The following MEGF9 variants were observed in gnomAD, a reference collection of about 807,000 sequenced individuals.
MEGF9 encodes multiple epidermal growth factor-like domains protein 9.
A neutral mutation model predicts 46.8 loss-of-function variants in MEGF9; 6 were observed. The ratio of observed to expected loss-of-function variants is 0.13; its 90% CI spans 0.07 to 0.25. The LOEUF is 0.25. Ranked by LOEUF, MEGF9 falls within the 10% of genes least tolerant of loss-of-function variation. The pLI, the probability that MEGF9 is intolerant of heterozygous loss-of-function variation, is 1.00. For missense variants in MEGF9, 683 were observed against 792.4 expected, an observed-to-expected ratio of 0.86 and a Z score of 1.66; for synonymous variants, 302 against 330.7, an observed-to-expected ratio of 0.91 and a Z score of 0.94.
chr9:120,618,906 A>C (rs1374823133), intron 3 of MEGF9, among the ~76,000 whole-genome samples: 1 of 152,006 alleles, frequency 6.6e-6, no homozygotes, highest in Admixed American at 6.6e-5. Context: ...TCAAAAAAAA[A>C]AAAAAGATTT....
chr9:120,680,240 T>C (rs975630592), intron 1 of MEGF9, among the ~76,000 whole-genome samples: 1 of 152,042 alleles, frequency 6.6e-6, no homozygotes, highest in African/African-American at 2.4e-5. Context: ...TATTCACTGG[T>C]GTCTAGGCAT....
chr9:120,714,264 A>ACGGCGG lies in MEGF9; in HGVS notation c.89_94dup (p.Ala30_Ala31dup), dbSNP rs369989873. The ACGGCGG allele has an allele frequency of 7.9e-5, 98 of 1,238,468 alleles. No homozygotes were observed. Among genetic ancestry groups the ACGGCGG allele is most frequent in the African/African-American group, 6.5e-4 (41 of 63,210 alleles). 76.7% of individuals were successfully genotyped at this position (1,238,468 alleles called of 1,614,324 possible). A position where few individuals can be genotyped will look rare whatever the true frequency, so the allele number is the denominator to read the frequency against. On this transcript the variant is annotated inframe_insertion, in exon 1 of 6. Transcript: ENST00000373930. ...ATTCCCCGCCGAGGCGGCTGAGGCG[A>ACGGCGG]CGGCGGCGGCGGCGGCGGCGGCGGC...
chr9:120,631,778 C>T (rs567786104), intron 2 of MEGF9, among the ~76,000 whole-genome samples: 1 of 152,172 alleles, frequency 6.6e-6, no homozygotes, highest in Non-Finnish European at 1.5e-5. Flanking sequence ...AGCCACTGTG[C>T]CCGGCCCTGT....
intron 1 of MEGF9, among the ~76,000 whole-genome samples, chr9:120,678,864 A>C (rs571785261): frequency 1.8e-4 from 27 of 152,352 alleles, no homozygotes; most frequent in Non-Finnish European, 4.0e-4. Context: ...CTGAACAGAC[A>C]CATGAAAAAA....
intron 1 of MEGF9, among the ~76,000 whole-genome samples, chr9:120,700,477 T>A (rs1588000295): frequency 1.3e-5 from 2 of 152,356 alleles, no homozygotes. Flanking sequence ...ACTATAATGT[T>A]AGTGCTATTC....
intron 1 of MEGF9, chr9:120,691,404 C>G (rs772907775): frequency 4.2e-6 from 2 of 478,592 alleles, no homozygotes; most frequent in Non-Finnish European, 8.6e-6. Context: ...TTTTAAGTAT[C>G]TTTACGTTAC....
Position 120,659,361 on chromosome 9 carries a change from C to G in MEGF9, c.803+13G>C. 3 of 1,610,724 alleles carry G rather than the reference C, an allele frequency of 1.9e-6. No individual in the cohort carries two copies. Among genetic ancestry groups the G allele is most frequent in the Non-Finnish European group, 2.5e-6 (3 of 1,178,146 alleles). On this transcript the variant is annotated intron_variant, in intron 2 of 5. Coordinates refer to ENST00000373930, the MANE Select transcript of MEGF9 (RefSeq NM_001080497.3). Reference sequence around the variant, plus strand: ...AAATAAAATAAACTTCAGTTCCACCCTCTGTTGCTTACCTGTTGCACGGTA... The same window carrying G: ...AAATAAAATAAACTTCAGTTCCACCGTCTGTTGCTTACCTGTTGCACGGTA...
At chr9:120,616,699 A>G (rs936278485) in intron 3 of MEGF9, among the ~76,000 whole-genome samples, 2 of 139,290 alleles carry the variant, frequency 1.4e-5, no homozygotes, top group Admixed American at 1.5e-4. Flanking sequence ...AAAAAAAAAA[A>G]AGTGGTATGG....
chr9:120,669,752 GAT>G (rs1388493822), intron 1 of MEGF9, among the ~76,000 whole-genome samples: 28 of 152,248 alleles, frequency 1.8e-4, no homozygotes, highest in African/African-American at 6.5e-4. Context: ...GATGAAATGA[GAT>G]AAAAATGTGA....
chr9:120,701,279 A>G (rs35723157), intron 1 of MEGF9, among the ~76,000 whole-genome samples: 4,291 of 152,326 alleles, frequency 0.028, 103 homozygotes, highest in Non-Finnish European at 0.039. Context: ...TAAAAATCTA[A>G]TAAGATCTGT....
chr9:120,602,472 T>C lies in MEGF9; in HGVS notation c.*2718A>G, dbSNP rs1017096337. The C allele has an allele frequency of 1.3e-5, 2 of 152,666 alleles. No individual in the cohort carries two copies. The highest frequency in any genetic ancestry group is 4.8e-5 in the African/African-American group (2 of 41,454). The allele number at this position is 152,666 out of a possible 1,614,324, so 9.5% of individuals were successfully genotyped here. A position where few individuals can be genotyped will look rare whatever the true frequency, so the allele number is the denominator to read the frequency against. ...TTGATTTATATTTTAAAGCAAATTA[T>C]TTCCAGAATCAAAAAGCTCGAGACA... On this transcript the variant is annotated 3_prime_UTR_variant, in exon 6 of 6. Coordinates refer to ENST00000373930, the MANE Select transcript of MEGF9 (RefSeq NM_001080497.3).
At chr9:120,634,661 C>G (rs989740372) in intron 2 of MEGF9, among the ~76,000 whole-genome samples, 1 of 151,796 alleles carries the variant, frequency 6.6e-6, no homozygotes, top group Non-Finnish European at 1.5e-5. Context: ...ATAGTTAGGC[C>G]ATATCTTTTT....
chr9:120,671,173 T>C (rs2043747273), intron 1 of MEGF9, among the ~76,000 whole-genome samples: 1 of 152,210 alleles, frequency 6.6e-6, no homozygotes. Context: ...GATAAATCCA[T>C]GAGCATTTAC....
chr9:120,619,723 A>G (rs2132302826), intron 3 of MEGF9, among the ~76,000 whole-genome samples: 1 of 152,368 alleles, frequency 6.6e-6, no homozygotes, highest in East Asian at 1.9e-4. Flanking sequence ...TCCTTAGAAT[A>G]GATTCCTGGA....
chr9:120,613,086 G>A (rs1343804335), intron 3 of MEGF9, among the ~76,000 whole-genome samples: 1 of 152,056 alleles, frequency 6.6e-6, no homozygotes, highest in Non-Finnish European at 1.5e-5. Flanking sequence ...ATTCTCCTGC[G>A]TTGGCCTCCC....
intron 2 of MEGF9, among the ~76,000 whole-genome samples, chr9:120,629,811 T>C (rs2043542696): frequency 6.6e-6 from 1 of 152,030 alleles, no homozygotes; most frequent in African/African-American, 2.4e-5. Context: ...CACGCACCTG[T>C]AGTCCCAGCT....
Position 120,713,867 on chromosome 9 carries a change from T to C in MEGF9, c.492A>G (p.Val164=), listed in dbSNP as rs746513265. ...PAPTTPVATT[V]PAPTTPRTPT... ...GGGTCCGGGGAGTCGTGGGCGCCGG[T>C]ACGGTGGTCGCTACAGGGGTGGTCG... The change falls in exon 1 of 6, where the codon GTA becomes GTG. Residue 164 remains valine (V), a synonymous_variant. Coordinates refer to ENST00000373930, the MANE Select transcript of MEGF9 (RefSeq NM_001080497.3). 12 of 1,302,086 alleles carry C rather than the reference T, an allele frequency of 9.2e-6. No individual in the cohort carries two copies. In the East Asian group the frequency reaches 2.8e-4, roughly 30 times the overall value. 80.7% of individuals were successfully genotyped at this position (1,302,086 alleles called of 1,614,324 possible).
Position 120,714,025 on chromosome 9 carries a change from A to C in MEGF9, c.334T>G (p.Ser112Ala), listed in dbSNP as rs7861158. The change falls in exon 1 of 6, where the codon TCT becomes GCT. Residue 112 changes from serine (S) to alanine (A), a missense_variant. Ser to Ala is a moderately conservative substitution (Grantham distance 99, BLOSUM62 1). Coordinates refer to ENST00000373930, the MANE Select transcript of MEGF9 (RefSeq NM_001080497.3). ...TTPLWATAGP[S>A]STTFQAPLGP... ...AGCGGCGCCTGAAAGGTGGTGGAAG[A>C]GGGTCCAGCAGTCGCCCAAAGAGGG... is the stretch of plus-strand genomic sequence containing the variant. 16,361 of 1,342,800 alleles carry C rather than the reference A, an allele frequency of 0.012. 1,506 individuals carry two copies. The African/African-American group carries it at 0.21, about 17-fold the overall frequency. 83.2% of individuals were successfully genotyped at this position (1,342,800 alleles called of 1,614,324 possible). A position where few individuals can be genotyped will look rare whatever the true frequency, so the allele number is the denominator to read the frequency against.
intron 1 of MEGF9, among the ~76,000 whole-genome samples, chr9:120,662,481 G>C (rs993857231): frequency 6.6e-6 from 1 of 152,138 alleles, no homozygotes; most frequent in Admixed American, 6.5e-5. Context: ...GTAAAGCAAA[G>C]AGTTATGAAG....
Sources: allele counts gnomAD v4.1 joint callset (sites outside exome capture counted in the v4.1 genomes callset), GRCh38; gene constraint gnomAD v4.1.1; transcripts MANE v1.5; gene names NCBI Gene and HGNC (gene_info 2026-07-23, HGNC 2026-07-21).